Variants in CCDC141 observed in about 807,000 individuals in gnomAD.
CCDC141 encodes the protein coiled-coil domain containing 141.
A neutral mutation model predicts 181.0 loss-of-function variants in CCDC141; 168 were observed. That is an observed-to-expected ratio of 0.93 (90% CI 0.82 to 1.05). The LOEUF (loss-of-function observed/expected upper bound fraction) is 1.05. Among genes scored for constraint, CCDC141 ranks in the 50% least tolerant of loss-of-function variants. The pLI, the probability that CCDC141 is intolerant of heterozygous loss-of-function variation, is 0.00. For synonymous variants in CCDC141, 666 were observed against 642.3 expected (o/e 1.04, Z -0.56); for missense variants, 1,902 against 1,788.5 (o/e 1.06, Z -1.14).
At chr2:178,910,373 C>T (rs1688168120) in intron 7 of CCDC141, among the ~76,000 whole-genome samples, 1 of 152,160 alleles carries the variant, frequency 6.6e-6, no homozygotes, top group Non-Finnish European at 1.5e-5. Flanking sequence ...TAGAAAATTT[C>T]CTTCCACGAG....
chr2:178,855,661 A>G (rs1685353129), intron 18 of CCDC141, 120 bp from the exon 19 acceptor site: 1 of 572,548 alleles, frequency 1.7e-6, no homozygotes, highest in Non-Finnish European at 3.0e-6. Flanking sequence ...TATTAAAATA[A>G]TAATTATTAC....
intron 8 of CCDC141, among the ~76,000 whole-genome samples, chr2:178,898,996 T>G (rs1450950729): frequency 1.3e-5 from 2 of 152,160 alleles, no homozygotes; most frequent in African/African-American, 4.8e-5. Context: ...AACAACCATA[T>G]TACCCTCAGT....
chr2:178,905,193 A>C (rs747662351), intron 8 of CCDC141, 136 bp downstream of exon 8: 1 of 783,364 alleles, frequency 1.3e-6, no homozygotes, highest in Non-Finnish European at 2.0e-6. Flanking sequence ...TCAAACTTCA[A>C]TAGATCCTTT....
At chr2:178,826,873 C>T (rs539476943), downstream of CCDC141, among the ~76,000 whole-genome samples, 2 of 152,042 alleles carry the variant, frequency 1.3e-5, no homozygotes, top group African/African-American at 2.4e-5. Flanking sequence ...TTTACACTCT[C>T]GTTTTTAAGT....
chr2:178,828,148 C>T (rs141973110), downstream of CCDC141, among the ~76,000 whole-genome samples: 2 of 152,132 alleles, frequency 1.3e-5, no homozygotes, highest in African/African-American at 4.8e-5. Context: ...CGGTAGAGTC[C>T]TCTTACTGGG....
At chr2:178,877,673 C>G (rs765831952) in intron 12 of CCDC141, 1 of 418,224 alleles carries the variant, frequency 2.4e-6, no homozygotes, top group Non-Finnish European at 4.2e-6. Flanking sequence ...TAACACAGAA[C>G]TTTTGGGTGG....
In CCDC141 at chr2:179,049,958, A is replaced by G. The variant is rs2043627130; in HGVS notation, c.-17T>C. The G allele has an allele frequency of 1.3e-6, 2 of 1,550,398 alleles. No individual in the cohort carries two copies. The highest frequency in any genetic ancestry group is 1.7e-6 in the Non-Finnish European group (2 of 1,146,820). On this transcript the variant is annotated 5_prime_UTR_variant, in exon 1 of 24. Coordinates refer to ENST00000443758, the MANE Select transcript of CCDC141 (RefSeq NM_173648.4). ...GCTGGACATGGTACTTTAGAACCAG[A>G]GTTTATACTTTGGGCAGCCTCTGGA...
chr2:178,837,811 A>C (rs1021623075), intron 22 of CCDC141, 67 bp from the exon 23 acceptor site: 6 of 1,521,870 alleles, frequency 3.9e-6, no homozygotes, highest in Non-Finnish European at 4.4e-6. Flanking sequence ...CAATTACAGT[A>C]AAACTCAACT....
intron 8 of CCDC141, 127 bp downstream of exon 8, chr2:178,905,202 T>A: frequency 2.3e-6 from 2 of 856,346 alleles, no homozygotes; most frequent in African/African-American, 1.7e-5. Context: ...AATAGATCCT[T>A]TTAAGCCATA....
At chr2:178,826,811 C>T (rs1183502932), downstream of CCDC141, among the ~76,000 whole-genome samples, 2 of 151,884 alleles carry the variant, frequency 1.3e-5, no homozygotes, top group Non-Finnish European at 1.5e-5. Context: ...AGAGAACAAG[C>T]TTTTGGTCTC....
In CCDC141 at chr2:178,912,721, T is replaced by C. The variant is rs1375184434; in HGVS notation, c.1092+5992A>G. Among the ~76,000 whole-genome samples, 3 of 152,196 alleles carry C rather than the reference T, an allele frequency of 2.0e-5. 1 individual carries two copies. In the South Asian group the frequency reaches 6.2e-4, roughly 32 times the overall value. On this transcript the variant is annotated intron_variant, in intron 7 of 23. Transcript: ENST00000443758. ...ATATAAAGACATGTTCAGCATAAAATAGAAACTCCTTAGCATGCTATTCAA... is the reference window on the plus strand; with the variant it reads ...ATATAAAGACATGTTCAGCATAAAACAGAAACTCCTTAGCATGCTATTCAA...
At chr2:178,829,362 T>C (rs772549506), downstream of CCDC141, among the ~76,000 whole-genome samples, 4 of 152,078 alleles carry the variant, frequency 2.6e-5, no homozygotes, top group South Asian at 2.1e-4. Context: ...GAAGGAAGAG[T>C]GAGCAGGCCA....
rs897480002 is a variant in CCDC141 at position 178,905,984 on chromosome 2, G to T, written c.1093-483C>A. Among the ~76,000 whole-genome samples the T allele has an allele frequency of 9.9e-5, 15 of 152,264 alleles. No homozygotes were observed. In the East Asian group the frequency reaches 2.5e-3, roughly 25 times the overall value. On this transcript the variant is annotated intron_variant, in intron 7 of 23. Transcript: ENST00000443758. ...TGTAGAGAAATATTCAAGAAATTAT[G>T]AATGTCCTTTTTTTCTCTTGCTTTT...
intron 2 of CCDC141, among the ~76,000 whole-genome samples, chr2:179,040,222 C>T (rs190578700): frequency 4.8e-4 from 73 of 152,174 alleles, no homozygotes; most frequent in Non-Finnish European, 4.0e-4. Context: ...CTGTCCTGTT[C>T]CCTCATTTTA....
At chr2:178,818,257 A>G in the CCDC141 span, among the ~76,000 whole-genome samples, 1 of 152,180 alleles carries the variant, frequency 6.6e-6, no homozygotes, top group Non-Finnish European at 1.5e-5. Flanking sequence ...AACAAAAACA[A>G]AACCCATAAA....
chr2:178,913,373 C>G (rs1258227479), intron 7 of CCDC141, among the ~76,000 whole-genome samples: 2 of 152,142 alleles, frequency 1.3e-5, no homozygotes, highest in African/African-American at 2.4e-5. Context: ...TAAATTCCTT[C>G]TGCATAGTAT....
At chr2:179,015,233 T>TATATACCTC (rs1375622366) in intron 2 of CCDC141, among the ~76,000 whole-genome samples, 10 of 113,332 alleles carry the variant, frequency 8.8e-5, no homozygotes, top group African/African-American at 1.4e-4. Context: ...ATATACCTCA[T>TATATACCTC]ATATATATCT....
chr2:178,859,407 T>C (rs1164653330), intron 17 of CCDC141, among the ~76,000 whole-genome samples: 3 of 152,194 alleles, frequency 2.0e-5, no homozygotes, highest in Non-Finnish European at 4.4e-5. Context: ...GTGGTATCAC[T>C]GTTCACACAG....
intron 5 of CCDC141, 93 bp downstream of exon 5, chr2:178,961,137 A>G (rs1209664995): frequency 1.5e-6 from 2 of 1,374,644 alleles, no homozygotes; most frequent in East Asian, 2.5e-5. Context: ...AGATTTGACC[A>G]TGAAGACTGA....
Sources: gnomAD v4.1 joint callset for allele counts (sites outside exome capture counted in the v4.1 genomes callset) on GRCh38, gnomAD v4.1.1 for gene constraint, MANE v1.5 for transcripts, NCBI Gene and HGNC (gene_info 2026-07-23, HGNC 2026-07-21) for gene names.